The following GRM8 variants were observed in gnomAD, a reference collection of about 807,000 sequenced individuals.
GRM8 encodes metabotropic glutamate receptor 8.
A neutral mutation model predicts 87.2 loss-of-function variants in GRM8; 47 were observed. The observed-to-expected ratio is 0.54, with a 90% confidence interval of 0.43 to 0.69. GRM8 has a LOEUF of 0.69. Among genes scored for constraint, GRM8 ranks in the 30% least tolerant of loss-of-function variants. The pLI, the probability that GRM8 is intolerant of heterozygous loss-of-function variation, is 0.00. For synonymous variants in GRM8, 396 were observed against 404.5 expected (o/e 0.98, Z 0.25); for missense variants, 1,019 against 1,139.2 (o/e 0.89, Z 1.52).
intron 8 of GRM8, among the ~76,000 whole-genome samples, chr7:126,538,178 C>T (rs547943201): frequency 8.1e-4 from 124 of 152,286 alleles, no homozygotes; most frequent in African/African-American, 2.9e-3. Flanking sequence ...CTGTCAAATC[C>T]TGTTATTATT....
intron 3 of GRM8, among the ~76,000 whole-genome samples, chr7:126,913,978 C>G (rs549653862): frequency 6.6e-6 from 1 of 152,168 alleles, no homozygotes; most frequent in Non-Finnish European, 1.5e-5. Flanking sequence ...ACATTTTATA[C>G]TTTTTCCTCT....
rs1816092462 is a variant in GRM8 at position 126,749,200 on chromosome 7, C to T, written c.1357+20665G>A. On this transcript the variant is annotated intron_variant, in intron 7 of 10. Coordinates refer to ENST00000339582, the MANE Select transcript of GRM8 (RefSeq NM_000845.3). The stretch of plus-strand genomic sequence containing the variant: ...GGCTGAGGCAGGAGAATCGCTTGAA[C>T]CGGGAGGGAGAGGTTGCAGTGGGCC... 2.0e-5 allele frequency among the ~76,000 whole-genome samples: 3 copies of T among 152,022 alleles called. No homozygotes were observed. The South Asian group carries it at 6.2e-4, about 32-fold the overall frequency.
intron 9 of GRM8, among the ~76,000 whole-genome samples, chr7:126,472,641 A>C (rs2150563221): frequency 6.6e-6 from 1 of 152,322 alleles, no homozygotes; most frequent in South Asian, 2.1e-4. Flanking sequence ...CAGCTGCAGA[A>C]GTTTGCGTGA....
At chr7:127,044,863 T>C (rs1343553619) in intron 3 of GRM8, among the ~76,000 whole-genome samples, 1 of 152,156 alleles carries the variant, frequency 6.6e-6, no homozygotes. Context: ...ACAAAAAAAG[T>C]ACAAAGGAAA....
At chr7:126,687,062 A>G (rs145162924) in intron 7 of GRM8, among the ~76,000 whole-genome samples, 133 of 152,282 alleles carry the variant, frequency 8.7e-4, no homozygotes, top group African/African-American at 3.1e-3. Context: ...ACCAAACCAC[A>G]TGTCTCAGTG....
chr7:127,158,480 G>A (rs1408668497), intron 2 of GRM8, among the ~76,000 whole-genome samples: 1 of 152,162 alleles, frequency 6.6e-6, no homozygotes, highest in Non-Finnish European at 1.5e-5. Context: ...ACCTTAGTCT[G>A]GGTAATTTAT....
intron 2 of GRM8, among the ~76,000 whole-genome samples, chr7:127,153,095 A>G (rs1792509877): frequency 6.6e-6 from 1 of 152,152 alleles, no homozygotes; most frequent in Admixed American, 6.6e-5. Context: ...ATAAATGATT[A>G]CACAACCTGC....
At chr7:126,839,285 C>G (rs979973317) in intron 6 of GRM8, among the ~76,000 whole-genome samples, 1 of 152,168 alleles carries the variant, frequency 6.6e-6, no homozygotes, top group Non-Finnish European at 1.5e-5. Flanking sequence ...ACAACATCAC[C>G]TGAGAGCTTG....
chr7:126,945,656 T>C (rs1179325895), intron 3 of GRM8, among the ~76,000 whole-genome samples: 2 of 152,254 alleles, frequency 1.3e-5, no homozygotes, highest in Non-Finnish European at 2.9e-5. Flanking sequence ...ATTATGTATA[T>C]GCAAATATTC....
intron 9 of GRM8, among the ~76,000 whole-genome samples, chr7:126,517,434 G>C (rs1812345943): frequency 6.6e-6 from 1 of 152,032 alleles, no homozygotes; most frequent in African/African-American, 2.4e-5. Context: ...CTGAGGCTTA[G>C]AGTGGGAATA....
chr7:127,204,990 A>G (rs577762703), intron 2 of GRM8, among the ~76,000 whole-genome samples: 1 of 152,308 alleles, frequency 6.6e-6, no homozygotes, highest in East Asian at 1.9e-4. Context: ...GATGACGCTG[A>G]CAGCGGTCAC....
intron 3 of GRM8, among the ~76,000 whole-genome samples, chr7:127,086,246 AC>A (rs986199323): frequency 4.6e-4 from 70 of 152,246 alleles, no homozygotes; most frequent in Middle Eastern, 3.4e-3. Flanking sequence ...GACTGCAGGC[AC>A]ACGCCACCAC....
At chr7:126,825,820 T>C (rs1307596189) in intron 6 of GRM8, among the ~76,000 whole-genome samples, 1 of 151,932 alleles carries the variant, frequency 6.6e-6, no homozygotes, top group Non-Finnish European at 1.5e-5. Context: ...GCTGCACCCA[T>C]TAACTCGTCA....
chr7:126,675,762 T>C (rs889805325), intron 7 of GRM8, among the ~76,000 whole-genome samples: 5 of 152,216 alleles, frequency 3.3e-5, no homozygotes, highest in African/African-American at 9.6e-5. Flanking sequence ...AAGCCATCTA[T>C]GACAAACCCA....
At chr7:126,470,943 G>C (rs1399662845) in intron 9 of GRM8, among the ~76,000 whole-genome samples, 1 of 152,178 alleles carries the variant, frequency 6.6e-6, no homozygotes, top group African/African-American at 2.4e-5. Flanking sequence ...GATGGCCAGT[G>C]ATGATGAGCA....
At chr7:126,575,421 T>C (rs369020348) in intron 8 of GRM8, among the ~76,000 whole-genome samples, 2 of 151,892 alleles carry the variant, frequency 1.3e-5, no homozygotes, top group East Asian at 1.9e-4. Context: ...CAATGTATTA[T>C]AATAATAATA....
chr7:127,009,969 A>C (rs1331948693), intron 3 of GRM8, among the ~76,000 whole-genome samples: 1 of 151,956 alleles, frequency 6.6e-6, no homozygotes, highest in Non-Finnish European at 1.5e-5. Context: ...CAGCCTCCCA[A>C]GTAGGTGGGA....
At chr7:127,186,889 C>T (rs1264931583) in intron 2 of GRM8, among the ~76,000 whole-genome samples, 1 of 152,068 alleles carries the variant, frequency 6.6e-6, no homozygotes, top group Non-Finnish European at 1.5e-5. Flanking sequence ...CTGTGGTGGA[C>T]ATGAAAGAAC....
chr7:126,809,029 G>C (rs1192650771), intron 6 of GRM8, among the ~76,000 whole-genome samples: 2 of 152,092 alleles, frequency 1.3e-5, no homozygotes, highest in African/African-American at 4.8e-5. Flanking sequence ...CACCAGAGTT[G>C]CATTAGTCCT....
Sources: gnomAD v4.1 joint callset for allele counts (sites outside exome capture counted in the v4.1 genomes callset) on GRCh38, gnomAD v4.1.1 for gene constraint, MANE v1.5 for transcripts, NCBI Gene and HGNC (gene_info 2026-07-23, HGNC 2026-07-21) for gene names.